The following STAT4 variants were observed in gnomAD, a reference collection of about 807,000 sequenced individuals.
STAT4 encodes signal transducer and activator of transcription 4.
A neutral mutation model predicts 110.5 loss-of-function variants in STAT4; 42 were observed. That is an observed-to-expected ratio of 0.38 (90% CI 0.30 to 0.49). The LOEUF is 0.49. Ranked by LOEUF, STAT4 falls within the 20% of genes least tolerant of loss-of-function variation. STAT4 has a pLI of 0.95. For missense variants in STAT4, 632 were observed against 887.9 expected, an observed-to-expected ratio of 0.71 and a Z score of 3.66; for synonymous variants, 284 against 302.2, an observed-to-expected ratio of 0.94 and a Z score of 0.63.
rs941213604 is a variant in STAT4 at position 191,086,226 on chromosome 2, C to A, written c.274-9901G>T. ...CATAAAAGCCCTTTGGAAAAACTGG[C>A]CTTCTATCTTGTCCTTCACAGGGTT... is the stretch of plus-strand genomic sequence containing the variant. On this transcript the variant is annotated intron_variant, in intron 3 of 23. Transcript: ENST00000392320. This position sits in a 1 kb window ranked among gnomAD's most constrained non-coding sequence, Gnocchi z 5.5. Among the ~76,000 whole-genome samples the A allele has an allele frequency of 1.3e-5, 2 of 152,090 alleles. No homozygotes were observed. The highest frequency in any genetic ancestry group is 2.4e-5 in the African/African-American group (1 of 41,424).
chr2:191,033,359 A>G lies in STAT4; in HGVS notation c.1852+131T>C, dbSNP rs866114669. 6 of 1,210,614 alleles carry G rather than the reference A, an allele frequency of 5.0e-6. No homozygotes were observed. The highest frequency in any genetic ancestry group is 2.3e-4 in the Middle Eastern group (1 of 4,440). The allele number at this position is 1,210,614 out of a possible 1,614,324, so 75.0% of individuals were successfully genotyped here. On this transcript the variant is annotated intron_variant, in intron 20 of 23. Transcript: ENST00000392320. This position sits in a 1 kb window ranked among gnomAD's most constrained non-coding sequence, Gnocchi z 6.9. ...GGTACCCTGTTCTGAGACAACTGCA[A>G]CTACTAATATTCAAGCCCACTGAAT... is the stretch of plus-strand genomic sequence containing the variant.
intron 1 of STAT4, among the ~76,000 whole-genome samples, chr2:191,149,420 G>A (rs923178110): frequency 2.0e-5 from 3 of 152,118 alleles, no homozygotes; most frequent in Admixed American, 2.0e-4. Flanking sequence ...TGTTTTATTT[G>A]CATATCATTT....
At chr2:191,100,861 C>G (rs1001492773) in intron 3 of STAT4, among the ~76,000 whole-genome samples, 5 of 151,918 alleles carry the variant, frequency 3.3e-5, no homozygotes, top group Admixed American at 2.0e-4. Context: ...ACTTGACACC[C>G]TGAATCAGCA....
Position 191,053,146 on chromosome 2 carries a change from A to G in STAT4, c.1251+1344T>C, listed in dbSNP as rs1451241209. Among the ~76,000 whole-genome samples, 1 of 152,202 alleles carries G rather than the reference A, an allele frequency of 6.6e-6. No individual in the cohort carries two copies. The highest frequency in any genetic ancestry group is 1.5e-5 in the Non-Finnish European group (1 of 68,038). On this transcript the variant is annotated intron_variant, in intron 14 of 23. Transcript: ENST00000392320. This position sits in a 1 kb window ranked among gnomAD's most constrained non-coding sequence, Gnocchi z 4.5. ...TTGGATGTCATTGGATGCTGGATTTATAAAGTGCTTTTCCTCCAAACAATT... is the reference window on the plus strand; with the variant it reads ...TTGGATGTCATTGGATGCTGGATTTGTAAAGTGCTTTTCCTCCAAACAATT...
In STAT4 at chr2:191,061,294, A is replaced by G. The variant is rs937098714; in HGVS notation, c.1034+435T>C. ...CTGTGTTTCCTGGATAGGATATTCA[A>G]AGCCTTCCAGAATCTGTCCCCAATC... On this transcript the variant is annotated intron_variant, in intron 10 of 23. Coordinates refer to ENST00000392320, the MANE Select transcript of STAT4 (RefSeq NM_003151.4). This position sits in a 1 kb window ranked among gnomAD's most constrained non-coding sequence, Gnocchi z 6.2. 3.9e-5 allele frequency among the ~76,000 whole-genome samples: 6 copies of G among 152,118 alleles called. No homozygotes were observed. Among genetic ancestry groups the G allele is most frequent in the African/African-American group, 1.4e-4 (6 of 41,418 alleles).
intron 3 of STAT4, among the ~76,000 whole-genome samples, chr2:191,094,353 C>T (rs1697897105): frequency 6.6e-6 from 1 of 152,172 alleles, no homozygotes; most frequent in South Asian, 2.1e-4. Flanking sequence ...GGTTGGGTTA[C>T]CCACAAAGGG....
rs746003368 is a variant in STAT4 at position 191,116,021 on chromosome 2, T to A, written c.273+30592A>T. Among the ~76,000 whole-genome samples the A allele has an allele frequency of 6.6e-6, 1 of 152,146 alleles. No individual in the cohort carries two copies. The highest frequency in any genetic ancestry group is 1.5e-5 in the Non-Finnish European group (1 of 68,012). On this transcript the variant is annotated intron_variant, in intron 3 of 23. Coordinates refer to ENST00000392320, the MANE Select transcript of STAT4 (RefSeq NM_003151.4). This position sits in a 1 kb window ranked among gnomAD's most constrained non-coding sequence, Gnocchi z 4.1. ...AGTAAGGTATTAGTCATATGGTACG[T>A]TTGGTTGAAATGAACATTATGACCA...
rs764089038 is a variant in STAT4 at position 191,061,681 on chromosome 2, A to C, written c.1034+48T>G. On this transcript the variant is annotated intron_variant, in intron 10 of 23. Coordinates refer to ENST00000392320, the MANE Select transcript of STAT4 (RefSeq NM_003151.4). This position sits in a 1 kb window ranked among gnomAD's most constrained non-coding sequence, Gnocchi z 6.2. ...AGAAATTGGCCTTGATCATCCAGAG[A>C]CTATAGCTCCACAAACACACGAAAT... 1 of 1,554,170 alleles carries C rather than the reference A, an allele frequency of 6.4e-7. No individual in the cohort carries two copies. The highest frequency in any genetic ancestry group is 1.1e-5 in the South Asian group (1 of 89,674).
chr2:191,040,666 A>G (rs1016974107), intron 15 of STAT4, among the ~76,000 whole-genome samples: 18 of 152,042 alleles, frequency 1.2e-4, no homozygotes, highest in Admixed American at 7.9e-4. Context: ...GGCTCAATCA[A>G]TCCTCCTGCC....
rs1169233959 is a variant in STAT4, at chr2:191,046,944, T to C, written c.1252-5796A>G. On this transcript the variant is annotated intron_variant, in intron 14 of 23. Transcript: ENST00000392320. The surrounding 1 kb of genome is among the most constrained non-coding windows in gnomAD (Gnocchi z 4.6). ...CTTCTAAATAGCCTCAGGATGAGAG[T>C]TGGTTGCTAGGGGAACCAATCATGT... Among the ~76,000 whole-genome samples the C allele has an allele frequency of 2.0e-5, 3 of 151,728 alleles. No individual in the cohort carries two copies. Among genetic ancestry groups the C allele is most frequent in the Non-Finnish European group, 4.4e-5 (3 of 67,908 alleles).
chr2:191,031,027 G>A lies in STAT4; in HGVS notation c.2165C>T (p.Pro722Leu). ...HSPSDLLPMS[P>L]SVYAVLRENL... Reference sequence around the variant, plus strand: ...TTCTCTCAACACCGCATACACACTTGGAGACATGGGAAGAAGGTCTGATGG... The same window carrying A: ...TTCTCTCAACACCGCATACACACTTAGAGACATGGGAAGAAGGTCTGATGG... Residue 722 changes from proline (P) to leucine (L), a missense_variant, in exon 23 of 24, where the codon CCA becomes CTA. By Grantham distance (98) the Pro-to-Leu change is moderately conservative. This residue lies in a region of STAT4 where 32 missense variants were observed against 67.6 expected (regional missense o/e 0.47). Transcript: ENST00000392320. The surrounding 1 kb of genome is among the most constrained non-coding windows in gnomAD (Gnocchi z 4.8). 6.2e-7 allele frequency: 1 copy of A among 1,613,980 alleles called. No individual in the cohort carries two copies. Among genetic ancestry groups the A allele is most frequent in the Non-Finnish European group, 8.5e-7 (1 of 1,179,864 alleles).
chr2:191,141,365 GGTT>G (rs1699316627), intron 3 of STAT4, among the ~76,000 whole-genome samples: 1 of 149,184 alleles, frequency 6.7e-6, no homozygotes, highest in African/African-American at 2.5e-5. Context: ...CCGTTAAAAT[GGTT>G]ATTTTATACA....
At chr2:191,100,571 T>C (rs754372028) in intron 3 of STAT4, among the ~76,000 whole-genome samples, 30 of 152,250 alleles carry the variant, frequency 2.0e-4, no homozygotes, top group Non-Finnish European at 2.6e-4. Context: ...TCCCCAAGCA[T>C]CAGAGCCTTT....
intron 5 of STAT4, 75 bp downstream of exon 5, chr2:191,073,023 G>A: frequency 1.7e-6 from 2 of 1,200,130 alleles, no homozygotes; most frequent in Non-Finnish European, 2.4e-6. Flanking sequence ...TTAACTTTGG[G>A]TGCATGGGAG....
Position 191,146,576 on chromosome 2 carries a change from T to A in STAT4, c.273+37A>T. ...TTTTTAACTAAATTTAAGACTCATA[T>A]ATCCAAATATTTTGGAAAAGTAGAA... On this transcript the variant is annotated intron_variant, in intron 3 of 23. Coordinates refer to ENST00000392320, the MANE Select transcript of STAT4 (RefSeq NM_003151.4). This position sits in a 1 kb window ranked among gnomAD's most constrained non-coding sequence, Gnocchi z 4.5. 7.0e-7 allele frequency: 1 copy of A among 1,425,720 alleles called. No individual in the cohort carries two copies. Among genetic ancestry groups the A allele is most frequent in the South Asian group, 1.7e-5 (1 of 59,368 alleles). 88.3% of individuals were successfully genotyped at this position (1,425,720 alleles called of 1,614,324 possible). A position where few individuals can be genotyped will look rare whatever the true frequency, so the allele number is the denominator to read the frequency against.
In STAT4 at chr2:191,091,986, T is replaced by A. The variant is rs965457327; in HGVS notation, c.274-15661A>T. On this transcript the variant is annotated intron_variant, in intron 3 of 23. Transcript: ENST00000392320. This position sits in a 1 kb window ranked among gnomAD's most constrained non-coding sequence, Gnocchi z 5.4. ...CATAATAGAGAGTTGTGGAATAAAA[T>A]ATTAAATAAGAAAATTAATGTATGA... is the stretch of plus-strand genomic sequence containing the variant. Among the ~76,000 whole-genome samples, 17 of 152,214 alleles carry A rather than the reference T, an allele frequency of 1.1e-4. No homozygotes were observed. Among genetic ancestry groups the A allele is most frequent in the Non-Finnish European group, 1.8e-4 (12 of 68,042 alleles).
Position 191,126,605 on chromosome 2 carries a change from A to C in STAT4, c.273+20008T>G, listed in dbSNP as rs1007414294. ...TCACACTAGAGGCTGTAGAAATCTC[A>C]TTTTTTTTTCCTGGCCACAGACTGC... is the stretch of plus-strand genomic sequence containing the variant. On this transcript the variant is annotated intron_variant, in intron 3 of 23. Transcript: ENST00000392320. Among the ~76,000 whole-genome samples the C allele has an allele frequency of 6.6e-5, 10 of 150,552 alleles. No individual in the cohort carries two copies. In the South Asian group the frequency reaches 2.1e-3, roughly 32 times the overall value.
chr2:191,064,979 T>C, intron 7 of STAT4, 21 bp from the exon 8 acceptor site: 1 of 1,523,982 alleles, frequency 6.6e-7, no homozygotes, highest in Non-Finnish European at 8.8e-7. Flanking sequence ...AGGGGACTAC[T>C]GAAGAGAGTT....
Position 191,035,801 on chromosome 2 carries a change from T to C in STAT4, c.1570+363A>G, listed in dbSNP as rs187495666. ...GAGGCACCATTAAGGGTTCACCTCATATTTAGTGGAAATATACCCTGGAGA... is the reference window on the plus strand; with the variant it reads ...GAGGCACCATTAAGGGTTCACCTCACATTTAGTGGAAATATACCCTGGAGA... On this transcript the variant is annotated intron_variant, in intron 17 of 23. Coordinates refer to ENST00000392320, the MANE Select transcript of STAT4 (RefSeq NM_003151.4). This position sits in a 1 kb window ranked among gnomAD's most constrained non-coding sequence, Gnocchi z 4.7. Among the ~76,000 whole-genome samples the C allele has an allele frequency of 6.6e-5, 10 of 152,354 alleles. No homozygotes were observed. In the East Asian group the frequency reaches 1.7e-3, roughly 26 times the overall value.
Sources: gnomAD v4.1 joint callset for allele counts (sites outside exome capture counted in the v4.1 genomes callset) on GRCh38, gnomAD v4.1.1 for gene constraint, gnomAD v4.1.1 regional missense constraint, Gnocchi (gnomAD v3.1) non-coding constraint, MANE v1.5 for transcripts, NCBI Gene and HGNC (gene_info 2026-07-23, HGNC 2026-07-21) for gene names.